Variants in SPRED2 observed in about 807,000 individuals in gnomAD.
The protein encoded by SPRED2 is sprouty related EVH1 domain containing 2, also known as sprouty-related, EVH1 domain-containing protein 2.
A neutral mutation model predicts 43.0 loss-of-function variants in SPRED2; 47 were observed. That is an observed-to-expected ratio of 1.09 (90% CI 0.87 to 1.40). The LOEUF is 1.40. Among genes scored for constraint, SPRED2 ranks in the 40% most tolerant of loss-of-function variants. The pLI is 0.00. For synonymous variants in SPRED2, 225 were observed against 225.7 expected (o/e 1.00, Z 0.03); for missense variants, 561 against 586.4 (o/e 0.96, Z 0.45).
chr2:65,405,732 T>A (rs2103741916), intron 1 of SPRED2, among the ~76,000 whole-genome samples: 1 of 152,306 alleles, frequency 6.6e-6, no homozygotes, highest in African/African-American at 2.4e-5. Flanking sequence ...TTCAGACATT[T>A]GGTTTGAGCA....
At position 65,367,238 on chromosome 2, in the gene SPRED2, A is replaced by C. The variant is rs75685202; in HGVS notation, c.27-22342T>G. Among the ~76,000 whole-genome samples the C allele has an allele frequency of 1.1e-4, 16 of 152,344 alleles. No individual in the cohort carries two copies. The East Asian group carries it at 2.9e-3, about 28-fold the overall frequency. On this transcript the variant is annotated intron_variant, in intron 1 of 5. Coordinates refer to ENST00000356388, the MANE Select transcript of SPRED2 (RefSeq NM_181784.3). ...TAGGTGGGATAGTGGCATTGTGTTTATAAAATGTCTACTTTTTTAGAGAGG... is the reference window on the plus strand; with the variant it reads ...TAGGTGGGATAGTGGCATTGTGTTTCTAAAATGTCTACTTTTTTAGAGAGG...
Position 65,314,189 on chromosome 2 carries a change from A to G in SPRED2, c.589-20T>C, listed in dbSNP as rs771528748. 5 of 1,546,916 alleles carry G rather than the reference A, an allele frequency of 3.2e-6. No individual in the cohort carries two copies. The highest frequency in any genetic ancestry group is 4.4e-6 in the Non-Finnish European group (5 of 1,143,724). The stretch of plus-strand genomic sequence containing the variant: ...CATCGGCTGTCCCGTAGGAGAGGAG[A>G]CATTATTTTACAGCAGCGGCCAAAA... On this transcript the variant is annotated intron_variant, in intron 5 of 5. Transcript: ENST00000356388.
chr2:65,386,769 C>A (rs1173549033), intron 1 of SPRED2, among the ~76,000 whole-genome samples: 1 of 152,166 alleles, frequency 6.6e-6, no homozygotes, highest in African/African-American at 2.4e-5. Context: ...CTCTGTGTTT[C>A]AGAAGTCTTG....
intron 1 of SPRED2, among the ~76,000 whole-genome samples, chr2:65,429,432 G>A (rs1037100816): frequency 6.6e-6 from 1 of 152,016 alleles, no homozygotes; most frequent in Non-Finnish European, 1.5e-5. Context: ...CCCAAAGTAG[G>A]AATCTAGCAA....
chr2:65,392,175 C>CTTTT (rs70943649), intron 1 of SPRED2, among the ~76,000 whole-genome samples: 34 of 98,696 alleles, frequency 3.4e-4, no homozygotes, highest in African/African-American at 3.7e-4. Flanking sequence ...TCCAGAATTT[C>CTTTT]TTTTTTTTTT....
intron 1 of SPRED2, among the ~76,000 whole-genome samples, chr2:65,381,135 T>G (rs1675364113): frequency 6.6e-6 from 1 of 152,152 alleles, no homozygotes; most frequent in Admixed American, 6.5e-5. Context: ...TTCTTACCCC[T>G]TTGCTCATTT....
intron 1 of SPRED2, among the ~76,000 whole-genome samples, chr2:65,356,829 T>TA (rs1264909529): frequency 6.6e-6 from 1 of 151,706 alleles, no homozygotes; most frequent in Non-Finnish European, 1.5e-5. Flanking sequence ...CCGTCTCTAC[T>TA]AAAAAAATAC....
Position 65,313,762 on chromosome 2 carries a change from G to T in SPRED2, c.996C>A (p.Ser332=). 6.2e-7 allele frequency: 1 copy of T among 1,614,182 alleles called. No individual in the cohort carries two copies. Among genetic ancestry groups the T allele is most frequent in the Non-Finnish European group, 8.5e-7 (1 of 1,180,034 alleles). ...RRGHCQDAPD[S]VRTCIRRVSC... is the part of the protein sequence containing the mutation. ...TCACCCGGCGGATGCAAGTTCTCAC[G>T]GAGTCGGGCGCGTCCTGGCAGTGGC... Residue 332 remains serine, a synonymous_variant, in exon 6 of 6, where the codon TCC becomes TCA. Coordinates refer to ENST00000356388, the MANE Select transcript of SPRED2 (RefSeq NM_181784.3).
chr2:65,325,422 G>A (rs1232741218), intron 4 of SPRED2, among the ~76,000 whole-genome samples: 2 of 152,186 alleles, frequency 1.3e-5, no homozygotes, highest in African/African-American at 4.8e-5. Context: ...CACTATACAG[G>A]GAGATTCGAA....
In SPRED2 at chr2:65,432,268, G is replaced by A; in HGVS notation, c.-281C>T. 1 of 454,876 alleles carries A rather than the reference G, an allele frequency of 2.2e-6. No individual in the cohort carries two copies. Among genetic ancestry groups the A allele is most frequent in the Non-Finnish European group, 4.0e-6 (1 of 248,408 alleles). The allele number at this position is 454,876 out of a possible 1,614,324, so 28.2% of individuals were successfully genotyped here. A position where few individuals can be genotyped will look rare whatever the true frequency, so the allele number is the denominator to read the frequency against. ...GCTCGGGAGCGGGCAGAGGGGGCGA[G>A]ATTTGGGAAGGGGACGGCGGTGGGG... On this transcript the variant is annotated 5_prime_UTR_variant, in exon 1 of 6. Transcript: ENST00000356388.
intron 2 of SPRED2, among the ~76,000 whole-genome samples, chr2:65,343,875 G>A (rs1329137709): frequency 3.3e-5 from 5 of 152,172 alleles, no homozygotes; most frequent in South Asian, 2.1e-4. Flanking sequence ...GGCCAGGCAC[G>A]GTGGCTCATG....
In SPRED2 at chr2:65,344,255, TA is replaced by T. The variant is rs995248392; in HGVS notation, c.204+463del. 8 of 186,568 alleles carry T rather than the reference TA, an allele frequency of 4.3e-5. 2 individuals are homozygous for T. The highest frequency in any genetic ancestry group is 5.5e-5 in the Admixed American group (1 of 18,104). The allele number at this position is 186,568 out of a possible 1,614,324, so 11.6% of individuals were successfully genotyped here. ...ATTAGGGCATGAAATAAAAGCTAGA[TA>T]AACATTTATTTATAAGTAGCCTAAT... On this transcript the variant is annotated intron_variant, in intron 2 of 5. Coordinates refer to ENST00000356388, the MANE Select transcript of SPRED2 (RefSeq NM_181784.3).
chr2:65,336,074 G>C (rs1273076399), intron 2 of SPRED2, among the ~76,000 whole-genome samples: 1 of 152,194 alleles, frequency 6.6e-6, no homozygotes, highest in African/African-American at 2.4e-5. Context: ...AAAAGAAGGA[G>C]GCCAGTACAG....
intron 1 of SPRED2, among the ~76,000 whole-genome samples, chr2:65,423,918 T>C (rs1473892077): frequency 2.0e-5 from 3 of 152,032 alleles, no homozygotes; most frequent in African/African-American, 7.2e-5. Context: ...GCCTCCCGAG[T>C]AGCTGGGATT....
chr2:65,350,887 C>T (rs889796639), intron 1 of SPRED2, among the ~76,000 whole-genome samples: 6 of 152,356 alleles, frequency 3.9e-5, no homozygotes, highest in East Asian at 1.9e-4. Flanking sequence ...TAGGGCCAGG[C>T]GGCCCTGAAG....
intron 1 of SPRED2, among the ~76,000 whole-genome samples, chr2:65,409,512 T>A (rs1252291091): frequency 6.6e-6 from 1 of 152,154 alleles, no homozygotes; most frequent in Non-Finnish European, 1.5e-5. Context: ...AGCACTAGTC[T>A]AAATCCTATG....
At chr2:65,354,816 G>A (rs997447336) in intron 1 of SPRED2, among the ~76,000 whole-genome samples, 1 of 152,202 alleles carries the variant, frequency 6.6e-6, no homozygotes, top group Non-Finnish European at 1.5e-5. Context: ...GGGCAACGAA[G>A]TGTTCGCTGA....
chr2:65,420,056 A>G (rs1676384866), intron 1 of SPRED2, among the ~76,000 whole-genome samples: 1 of 151,992 alleles, frequency 6.6e-6, no homozygotes, highest in African/African-American at 2.4e-5. Context: ...CTAAAAATAC[A>G]AAAATTAGCT....
At chr2:65,339,688 C>A (rs1454538391) in intron 2 of SPRED2, among the ~76,000 whole-genome samples, 1 of 142,240 alleles carries the variant, frequency 7.0e-6, no homozygotes, top group Non-Finnish European at 1.5e-5. Flanking sequence ...TGAGAAACAC[C>A]CAAGAATGAT....
Sources: gnomAD v4.1 joint callset for allele counts (sites outside exome capture counted in the v4.1 genomes callset) on GRCh38, gnomAD v4.1.1 for gene constraint, MANE v1.5 for transcripts, NCBI Gene and HGNC (gene_info 2026-07-23, HGNC 2026-07-21) for gene names.